PABPC1L: variants seen among roughly 807,000 people sequenced by gnomAD.
PABPC1L encodes polyadenylate-binding protein 1-like.
In PABPC1L, 31 loss-of-function variants were observed where a neutral mutation model predicts 66.6. The observed-to-expected ratio is 0.47, with a 90% CI of 0.35 to 0.63. The LOEUF is 0.63. PABPC1L is among the 20% of genes least tolerant of loss of function. The pLI, the probability that PABPC1L is intolerant of heterozygous loss-of-function variation, is 0.00. For synonymous variants in PABPC1L, 348 were observed against 335.1 expected, an observed-to-expected ratio of 1.04 and a Z score of -0.42; for missense variants, 722 against 848.8, an observed-to-expected ratio of 0.85 and a Z score of 1.86.
intron 2 of PABPC1L, among the ~76,000 whole-genome samples, chr20:44,914,334 G>A (rs947534954): frequency 1.5e-4 from 23 of 151,328 alleles, no homozygotes; most frequent in African/African-American, 3.9e-4. Context: ...AGCCTCCTGA[G>A]TAGCTGGGAC....
intron 1 of PABPC1L, among the ~76,000 whole-genome samples, chr20:44,911,067 GAACTGCTGTCTATGCATAAAGAATGGT>G (rs2066701037): frequency 6.6e-6 from 1 of 152,144 alleles, no homozygotes; most frequent in Admixed American, 6.5e-5. Flanking sequence ...AAAGAATGGA[GAACTGCTGTCTATGCATAAAGAATGGT>G]AACTGCTTGT....
In PABPC1L at chr20:44,938,081, A is replaced by G; in HGVS notation, c.1681A>G (p.Ile561Val). The change falls in exon 13 of 15, where the codon ATC becomes GTC. Residue 561 changes from isoleucine (I) to valine (V), a missense_variant. Coordinates refer to ENST00000217073, the MANE Select transcript of PABPC1L (RefSeq NM_001372179.1). Reference protein sequence around the residue: ...QMIGERLYPLIHDVHTQLAGK... With the variant: ...QMIGERLYPLVHDVHTQLAGK... ...CACAGGGGAGCGTCTCTACCCCCTT[A>G]TCCATGATGTCCACACCCAGCTGGC... is the stretch of plus-strand genomic sequence containing the variant. 1.2e-6 allele frequency: 2 copies of G among 1,614,150 alleles called. No individual in the cohort carries two copies. Among genetic ancestry groups the G allele is most frequent in the Non-Finnish European group, 1.7e-6 (2 of 1,180,028 alleles).
chr20:44,927,132 T>C (rs2066815359), intron 7 of PABPC1L, among the ~76,000 whole-genome samples: 1 of 151,314 alleles, frequency 6.6e-6, no homozygotes, highest in African/African-American at 2.4e-5. Flanking sequence ...GCAGTCCTCC[T>C]ACCTCAGCCT....
Position 44,918,965 on chromosome 20 carries a change from T to C in PABPC1L, c.563T>C (p.Leu188Pro). 2 of 1,613,214 alleles carry C rather than the reference T, an allele frequency of 1.2e-6. No homozygotes were observed. The highest frequency in any genetic ancestry group is 1.7e-6 in the Non-Finnish European group (2 of 1,179,558). The change falls in exon 4 of 15, where the codon CTG (leucine) becomes CCG (proline). Residue 188 changes from leucine to proline, a missense_variant. By Grantham distance (98) the Leu-to-Pro change is moderately conservative (BLOSUM62 -3). This residue lies in a region of PABPC1L where 284 missense variants were observed against 294.8 expected (regional missense o/e 0.96). Coordinates refer to ENST00000217073, the MANE Select transcript of PABPC1L (RefSeq NM_001372179.1). Reference protein sequence around the residue: ...EREAELGARALEFTNIYVKNL... With the variant: ...EREAELGARAPEFTNIYVKNL... Reference sequence around the variant, plus strand: ...GAGGCGGAGCTGGGGGCGCGGGCCCTGGAGTTCACCAACATCTACGTGAAG... The same window carrying C: ...GAGGCGGAGCTGGGGGCGCGGGCCCCGGAGTTCACCAACATCTACGTGAAG...
intron 2 of PABPC1L, among the ~76,000 whole-genome samples, chr20:44,915,164 G>A (rs2066730021): frequency 6.6e-6 from 1 of 152,216 alleles, no homozygotes; most frequent in South Asian, 2.1e-4. Context: ...AGCCTCAAAT[G>A]CCAAGTTGAT....
rs558311502 is a variant in PABPC1L, at chr20:44,939,185, A to G, written c.*66A>G. ...GACAGTGTTTCTGGCTCTCAGCCCTAAGGCCCTGCAAACTCTAACTTATTT... is the reference window on the plus strand; with the variant it reads ...GACAGTGTTTCTGGCTCTCAGCCCTGAGGCCCTGCAAACTCTAACTTATTT... On this transcript the variant is annotated 3_prime_UTR_variant, in exon 15 of 15. Coordinates refer to ENST00000217073, the MANE Select transcript of PABPC1L (RefSeq NM_001372179.1). 1.3e-3 allele frequency: 933 copies of G among 718,006 alleles called. 3 individuals carry two copies. The highest frequency in any genetic ancestry group is 1.5e-3 in the Non-Finnish European group (593 of 385,196). 44.5% of individuals were successfully genotyped at this position (718,006 alleles called of 1,614,324 possible).
chr20:44,938,159 A>C lies in PABPC1L; in HGVS notation c.1759A>C (p.Met587Leu). Residue 587 changes from methionine to leucine, a missense_variant, in exon 13 of 15, where the codon ATG (methionine) becomes CTG (leucine). This residue lies in a region of PABPC1L where 301 missense variants were observed against 337.2 expected (regional missense o/e 0.89). Transcript: ENST00000217073. ...GATTGACAACTCAGAGCTGTTGCTC[A>C]TGCTGGAGTCTCCAGAATCCCTCCA... ...LEIDNSELLL[M>L]LESPESLHAK... 6.2e-7 allele frequency: 1 copy of C among 1,614,206 alleles called. No homozygotes were observed. Among genetic ancestry groups the C allele is most frequent in the Non-Finnish European group, 8.5e-7 (1 of 1,180,030 alleles).
rs1351633634 is a variant in PABPC1L at position 44,938,194 on chromosome 20, A to G, written c.1791+3A>G. 6.2e-7 allele frequency: 1 copy of G among 1,613,460 alleles called. No homozygotes were observed. The highest frequency in any genetic ancestry group is 8.5e-7 in the Non-Finnish European group (1 of 1,179,704). On this transcript the variant is annotated splice_donor_region_variant and intron_variant, in intron 13 of 14. Coordinates refer to ENST00000217073, the MANE Select transcript of PABPC1L (RefSeq NM_001372179.1). Reference sequence around the variant, plus strand: ...CTCCAGAATCCCTCCATGCCAAGGTAAGCAGGAGCCTGGGCAGCAGGGAGC... The same window carrying G: ...CTCCAGAATCCCTCCATGCCAAGGTGAGCAGGAGCCTGGGCAGCAGGGAGC...
rs376354337 is a variant in PABPC1L at position 44,930,596 on chromosome 20, G to A, written c.1109G>A (p.Arg370His). The A allele has an allele frequency of 1.2e-4, 196 of 1,614,132 alleles. No individual in the cohort carries two copies. The highest frequency in any genetic ancestry group is 1.6e-4 in the Middle Eastern group (1 of 6,084). ...CCACTCTACGTGGCACTGGCCCAGC[G>A]CAAAGAGGAGCGGAAGGCCATCTTG... is the stretch of plus-strand genomic sequence containing the variant. ...TKPLYVALAQ[R>H]KEERKAILTN... is the part of the protein sequence containing the mutation. Residue 370 changes from arginine (R) to histidine (H), a missense_variant, in exon 8 of 15, where the codon CGC becomes CAC. Coordinates refer to ENST00000217073, the MANE Select transcript of PABPC1L (RefSeq NM_001372179.1).
chr20:44,916,284 T>C (rs1375870848), intron 2 of PABPC1L, among the ~76,000 whole-genome samples: 1 of 152,168 alleles, frequency 6.6e-6, no homozygotes, highest in Non-Finnish European at 1.5e-5. Flanking sequence ...TCTGTTTTTA[T>C]TTTTTTGACA....
chr20:44,930,780 C>G, intron 8 of PABPC1L, 54 bp downstream of exon 8: 1 of 1,581,176 alleles, frequency 6.3e-7, no homozygotes, highest in Non-Finnish European at 8.6e-7. Context: ...CCCAGCAAGG[C>G]AGAGCATGAA....
rs745960496 is a variant in PABPC1L, at chr20:44,919,201, A to C, written c.662A>C (p.Lys221Thr). The C allele has an allele frequency of 6.2e-7, 1 of 1,614,146 alleles. No homozygotes were observed. The highest frequency in any genetic ancestry group is 1.3e-5 in the African/African-American group (1 of 75,018). Reference protein sequence around the residue: ...FSQFGKMLSVKVMRDNSGHSR... With the variant: ...FSQFGKMLSVTVMRDNSGHSR... Reference sequence around the variant, plus strand: ...TTTGCAGGGAAAATGCTGAGTGTGAAGGTGATGAGGGACAACAGCGGCCAC... The same window carrying C: ...TTTGCAGGGAAAATGCTGAGTGTGACGGTGATGAGGGACAACAGCGGCCAC... The change falls in exon 5 of 15, where the codon AAG (lysine) becomes ACG (threonine). Residue 221 changes from lysine (K) to threonine (T), a missense_variant. By Grantham distance (78) the Lys-to-Thr change is moderately conservative (BLOSUM62 -1). Around this residue, in one of 3 missense-constraint regions of PABPC1L, gnomAD observed 137 missense variants for 216.8 expected, o/e 0.63. Coordinates refer to ENST00000217073, the MANE Select transcript of PABPC1L (RefSeq NM_001372179.1).
At chr20:44,936,854 C>A in intron 12 of PABPC1L, 124 bp downstream of exon 12, 1 of 1,012,428 alleles carries the variant, frequency 9.9e-7, no homozygotes, top group South Asian at 1.4e-5. Context: ...CACCGACCCC[C>A]CTACTGGGTG....
Position 44,938,083 on chromosome 20 carries a change from C to T in PABPC1L, c.1683C>T (p.Ile561=), listed in dbSNP as rs764940770. The T allele has an allele frequency of 4.3e-6, 7 of 1,614,072 alleles. No individual in the cohort carries two copies. In the African/African-American group the frequency reaches 6.7e-5, roughly 15 times the overall value. The part of the protein sequence containing the change: ...QMIGERLYPL[I]HDVHTQLAGK... ...CAGGGGAGCGTCTCTACCCCCTTATCCATGATGTCCACACCCAGCTGGCTG... is the reference window on the plus strand; with the variant it reads ...CAGGGGAGCGTCTCTACCCCCTTATTCATGATGTCCACACCCAGCTGGCTG... Residue 561 remains isoleucine (I), a synonymous_variant, in exon 13 of 15, where the codon ATC becomes ATT. Coordinates refer to ENST00000217073, the MANE Select transcript of PABPC1L (RefSeq NM_001372179.1).
intron 8 of PABPC1L, among the ~76,000 whole-genome samples, 198 bp downstream of exon 8, chr20:44,930,924 G>C (rs1162267285): frequency 6.6e-6 from 1 of 152,196 alleles, no homozygotes; most frequent in African/African-American, 2.4e-5. Context: ...AGAAGCTCGT[G>C]AATGTTGTGC....
rs1176848725 is a variant in PABPC1L at position 44,924,175 on chromosome 20, T to C, written c.891T>C (p.Tyr297=). 3 of 1,613,564 alleles carry C rather than the reference T, an allele frequency of 1.9e-6. No homozygotes were observed. Among genetic ancestry groups the C allele is most frequent in the Non-Finnish European group, 1.7e-6 (2 of 1,179,608 alleles). ...TTCCATCCCAGGGTGTGAACTTGTA[T>C]GTGAAGAATCTGGACGACTCCATTG... is the stretch of plus-strand genomic sequence containing the variant. ...RLRRYQGVNL[Y]VKNLDDSIDD... The change falls in exon 7 of 15, where the codon TAT becomes TAC. Residue 297 remains tyrosine (Y), a synonymous_variant. Transcript: ENST00000217073.
chr20:44,917,575 C>T (rs2066745903), intron 3 of PABPC1L, among the ~76,000 whole-genome samples: 2 of 152,102 alleles, frequency 1.3e-5, no homozygotes, highest in Non-Finnish European at 2.9e-5. Context: ...TAAGCCTGCC[C>T]TCATCATACT....
At chr20:44,922,934 C>A (rs1270809388) in intron 6 of PABPC1L, among the ~76,000 whole-genome samples, 1 of 152,246 alleles carries the variant, frequency 6.6e-6, no homozygotes, top group Non-Finnish European at 1.5e-5. Flanking sequence ...CTGTCTGGCA[C>A]AAAATGTCAC....
intron 10 of PABPC1L, among the ~76,000 whole-genome samples, chr20:44,934,061 G>A (rs909640440): frequency 1.3e-5 from 2 of 152,084 alleles, no homozygotes; most frequent in African/African-American, 4.8e-5. Flanking sequence ...TTGTTGTTGA[G>A]GATCAATGAG....
Sources: gnomAD v4.1 joint callset for allele counts (sites outside exome capture counted in the v4.1 genomes callset) on GRCh38, gnomAD v4.1.1 for gene constraint, gnomAD v4.1.1 regional missense constraint, MANE v1.5 for transcripts, NCBI Gene and HGNC (gene_info 2026-07-23, HGNC 2026-07-21) for gene names.